SULT2A1: variants seen among roughly 807,000 people sequenced by gnomAD.
SULT2A1 encodes the protein sulfotransferase family 2A member 1, also known as sulfotransferase 2A1.
A neutral mutation model predicts 33.9 loss-of-function variants in SULT2A1; 43 were observed. The observed-to-expected ratio is 1.27, with a 90% CI of 1.00 to 1.64. The LOEUF (loss-of-function observed/expected upper bound fraction) is 1.64. Ranked by LOEUF, SULT2A1 falls within the 40% of genes most tolerant of loss-of-function variation. The pLI is 0.00. For synonymous variants in SULT2A1, 125 were observed against 113.6 expected, an observed-to-expected ratio of 1.10 and a Z score of -0.64; for missense variants, 300 against 335.1, an observed-to-expected ratio of 0.90 and a Z score of 0.82.
At chr19:47,883,459 C>A in intron 2 of SULT2A1, 118 bp downstream of exon 2, 4 of 1,030,492 alleles carry the variant, frequency 3.9e-6, no homozygotes, top group Non-Finnish European at 4.3e-6. Flanking sequence ...AATCTCAGGT[C>A]TCAACAACAC....
chr19:47,886,116 C>A lies in SULT2A1; in HGVS notation c.136+6G>T, dbSNP rs768210507. Reference sequence around the variant, plus strand: ...CCTTTCTCAGTTCACGATTCTGCCTCCTTACCTGATTTGGGGTAAGTCAAT... The same window carrying A: ...CCTTTCTCAGTTCACGATTCTGCCTACTTACCTGATTTGGGGTAAGTCAAT... On this transcript the variant is annotated splice_donor_region_variant and intron_variant, in intron 1 of 5. Coordinates refer to ENST00000222002, the MANE Select transcript of SULT2A1 (RefSeq NM_003167.4). The A allele has an allele frequency of 1.9e-6, 3 of 1,613,486 alleles. No homozygotes were observed. Among genetic ancestry groups the A allele is most frequent in the South Asian group, 2.2e-5 (2 of 90,956 alleles).
Position 47,883,701 on chromosome 19 carries a change from C to T in SULT2A1, c.221G>A (p.Arg74Gln), listed in dbSNP as rs763687131. The T allele has an allele frequency of 1.5e-5, 25 of 1,613,952 alleles. No homozygotes were observed. Among genetic ancestry groups the T allele is most frequent in the Non-Finnish European group, 2.1e-5 (25 of 1,180,022 alleles). Reference sequence around the variant, plus strand: ...AATCTCACTCTCTACCCAGGGTGATCGCTCCCAGATGGGCACAGATTGGAT... The same window carrying T: ...AATCTCACTCTCTACCCAGGGTGATTGCTCCCAGATGGGCACAGATTGGAT... ...KWIQSVPIWE[R>Q]SPWVESEIGY... The change falls in exon 2 of 6, where the codon CGA (arginine) becomes CAA (glutamine). Residue 74 changes from arginine (R) to glutamine (Q), a missense_variant. Transcript: ENST00000222002.
intron 4 of SULT2A1, among the ~76,000 whole-genome samples, chr19:47,878,677 C>G (rs1344791523): frequency 2.0e-5 from 3 of 151,726 alleles, no homozygotes; most frequent in African/African-American, 7.3e-5. Flanking sequence ...CCACTGCACC[C>G]GGCTAATTTT....
In SULT2A1 at chr19:47,886,253, G is replaced by C. The variant is rs989081337; in HGVS notation, c.5C>G (p.Ser2Trp). The change falls in exon 1 of 6, where the codon TCG (serine) becomes TGG (tryptophan). Residue 2 changes from serine to tryptophan, a missense_variant. Physicochemically the swap from Ser to Trp is radical, Grantham distance 177. Transcript: ENST00000222002. Reference protein sequence around the residue: MSDDFLWFEGIA... With the variant: MWDDFLWFEGIA... ...GCCTTCAAACCATAAGAAATCGTCC[G>C]ACATGATGATGACCTCTTCCTGCGT... is the stretch of plus-strand genomic sequence containing the variant. The C allele has an allele frequency of 1.2e-6, 2 of 1,613,718 alleles. No homozygotes were observed. The highest frequency in any genetic ancestry group is 1.7e-6 in the Non-Finnish European group (2 of 1,179,930).
intron 1 of SULT2A1, among the ~76,000 whole-genome samples, chr19:47,884,115 AC>A (rs1568640913): frequency 2.0e-5 from 3 of 150,402 alleles, no homozygotes; most frequent in African/African-American, 7.3e-5. Context: ...AAAAAAAAAA[AC>A]AAAAACAAAA....
In SULT2A1 at chr19:47,879,087, G is replaced by C; in HGVS notation, c.516C>G (p.Pro172=). ...ACAGGAAGTTTTTCTCCTCTCTCAT[G>C]GGCATCCAGCCATGAATGTGGTCAA... ...SWFDHIHGWM[P]MREEKNFLLL... Residue 172 remains proline, a synonymous_variant, in exon 4 of 6, where the codon CCC becomes CCG. Transcript: ENST00000222002. 1 of 1,613,900 alleles carries C rather than the reference G, an allele frequency of 6.2e-7. No individual in the cohort carries two copies. The highest frequency in any genetic ancestry group is 8.5e-7 in the Non-Finnish European group (1 of 1,179,834).
chr19:47,877,429 G>A (rs1314752020), intron 4 of SULT2A1, among the ~76,000 whole-genome samples: 3 of 151,760 alleles, frequency 2.0e-5, no homozygotes, highest in African/African-American at 7.3e-5. Context: ...TGGTAGAGAT[G>A]GGATTTCGCC....
intron 3 of SULT2A1, among the ~76,000 whole-genome samples, chr19:47,880,091 G>A (rs1968587971): frequency 6.6e-6 from 1 of 151,762 alleles, no homozygotes; most frequent in Admixed American, 6.6e-5. Flanking sequence ...AAAAAAATTA[G>A]CCGGGTGTGA....
chr19:47,874,430 C>T (rs914310652), intron 5 of SULT2A1, among the ~76,000 whole-genome samples: 1 of 150,914 alleles, frequency 6.6e-6, no homozygotes, highest in African/African-American at 2.4e-5. Context: ...TTTCCAGCTA[C>T]TCGGGAGGCT....
At chr19:47,882,851 G>A (rs978112503) in intron 2 of SULT2A1, among the ~76,000 whole-genome samples, 1 of 152,104 alleles carries the variant, frequency 6.6e-6, no homozygotes, top group Non-Finnish European at 1.5e-5. Flanking sequence ...GGGAGGTGGA[G>A]GTTGCAGTGA....
chr19:47,878,546 TCG>T (rs1968570626), intron 4 of SULT2A1, among the ~76,000 whole-genome samples: 1 of 141,722 alleles, frequency 7.1e-6, no homozygotes, highest in African/African-American at 2.7e-5. Context: ...TCGTGCTCTA[TCG>T]CCCAGGCTAG....
intron 5 of SULT2A1, 67 bp downstream of exon 5, chr19:47,874,590 A>C: frequency 3.2e-6 from 3 of 942,670 alleles, no homozygotes; most frequent in East Asian, 3.0e-5. Flanking sequence ...GTTAGCGCCC[A>C]GTTGTGACCA....
At chr19:47,878,783 G>A (rs2431828) in intron 4 of SULT2A1, among the ~76,000 whole-genome samples, 116,689 of 151,852 alleles carry the variant, frequency 0.77, 45,084 homozygotes, top group African/African-American at 0.84. Context: ...CCAAAGTGCT[G>A]GGATTACAGG....
intron 5 of SULT2A1, 31 bp from the exon 6 acceptor site, chr19:47,871,598 AC>A (rs768507982): frequency 2.3e-5 from 33 of 1,435,684 alleles, no homozygotes; most frequent in Non-Finnish European, 3.1e-5. Flanking sequence ...CTCAGGTCAG[AC>A]CACACATCTC....
intron 4 of SULT2A1, among the ~76,000 whole-genome samples, chr19:47,876,374 A>G (rs1968544228): frequency 1.3e-5 from 2 of 152,302 alleles, no homozygotes; most frequent in South Asian, 4.1e-4. Context: ...CCTTACTCTT[A>G]GATCTATAAT....
intron 4 of SULT2A1, among the ~76,000 whole-genome samples, chr19:47,877,711 G>A (rs575745866): frequency 1.4e-4 from 22 of 151,952 alleles, no homozygotes; most frequent in Admixed American, 3.9e-4. Context: ...CACCATGCCC[G>A]GCTAATTTTT....
At chr19:47,880,352 C>T (rs1968591933) in intron 3 of SULT2A1, among the ~76,000 whole-genome samples, 1 of 151,368 alleles carries the variant, frequency 6.6e-6, no homozygotes, top group Admixed American at 6.6e-5. Context: ...TACTATGATC[C>T]AATCACTTCC....
chr19:47,886,013 C>G lies in SULT2A1; in HGVS notation c.136+109G>C. 3.0e-6 allele frequency: 4 copies of G among 1,346,602 alleles called. No individual in the cohort carries two copies. In the South Asian group the frequency reaches 5.6e-5, roughly 19 times the overall value. 83.4% of individuals were successfully genotyped at this position (1,346,602 alleles called of 1,614,324 possible). On this transcript the variant is annotated intron_variant, in intron 1 of 5. Transcript: ENST00000222002. ...AATGGTATTAGGCATTCCTCTCTTC[C>G]CCTTAAAGCATTGTACACTGTCTGA... is the stretch of plus-strand genomic sequence containing the variant.
intron 3 of SULT2A1, among the ~76,000 whole-genome samples, chr19:47,880,437 G>A (rs1010081910): frequency 2.8e-4 from 43 of 151,818 alleles, no homozygotes; most frequent in African/African-American, 1.0e-3. Flanking sequence ...GGGACACAAA[G>A]CCTAACCATA....
Sources: allele counts gnomAD v4.1 joint callset (sites outside exome capture counted in the v4.1 genomes callset), GRCh38; gene constraint gnomAD v4.1.1; transcripts MANE v1.5; gene names NCBI Gene and HGNC (gene_info 2026-07-23, HGNC 2026-07-21).